Variants in ZFHX3 observed in about 807,000 individuals in gnomAD.
ZFHX3 encodes zinc finger homeobox 3.
In ZFHX3, 42 loss-of-function variants were observed where a neutral mutation model predicts 279.1. The ratio of observed to expected loss-of-function variants is 0.15; its 90% CI spans 0.12 to 0.19. ZFHX3 has a LOEUF of 0.19. ZFHX3 is among the 10% of genes least tolerant of loss of function. The pLI is 1.00. For synonymous variants in ZFHX3, 2,293 were observed against 1,957.8 expected (o/e 1.17, Z -4.52); for missense variants, 4,981 against 4,754.0 (o/e 1.05, Z -1.40).
intron 4 of ZFHX3, among the ~76,000 whole-genome samples, chr16:73,279,271 T>C (rs2014396749): frequency 6.6e-6 from 1 of 152,166 alleles, no homozygotes; most frequent in Non-Finnish European, 1.5e-5. Context: ...AGATTTTTGT[T>C]ATCAAACATC....
rs1959581399 is a variant in ZFHX3 at position 72,928,184 on chromosome 16, AGGG to A, written c.3216+22282_3216+22284del. 2.9e-3 allele frequency among the ~76,000 whole-genome samples: 23 copies of A among 7,990 alleles called. 2 individuals are homozygous for A. The highest frequency in any genetic ancestry group is 8.2e-3 in the African/African-American group (17 of 2,062). 5.2% of individuals were successfully genotyped at this position (7,990 alleles called of 152,430 possible). A position where few individuals can be genotyped will look rare whatever the true frequency, so the allele number is the denominator to read the frequency against. ...GGAGAGAGGGAGGGGGAGGGGAGAG[AGGG>A]AGGGGGAGGGGAGCGAGGGGGAGCG... On this transcript the variant is annotated intron_variant, in intron 3 of 9. Transcript: ENST00000268489.
chr16:73,014,917 C>T (rs1171074017), intron 1 of ZFHX3: 1 of 152,090 alleles, frequency 6.6e-6, no homozygotes, highest in Non-Finnish European at 1.5e-5. Context: ...CTGAAGGGTT[C>T]ACCCTACCAA....
intron 4 of ZFHX3, among the ~76,000 whole-genome samples, chr16:73,274,567 G>A (rs1392289886): frequency 2.0e-5 from 3 of 152,166 alleles, no homozygotes; most frequent in Admixed American, 6.5e-5. Flanking sequence ...TTAGCCAGGT[G>A]TTCCACACTA....
chr16:73,707,688 T>A (rs1432156497), intron 1 of ZFHX3, among the ~76,000 whole-genome samples: 2 of 151,440 alleles, frequency 1.3e-5, no homozygotes, highest in Admixed American at 1.3e-4. Context: ...CATGTGTACA[T>A]ATGTGACAAA....
intron 3 of ZFHX3, among the ~76,000 whole-genome samples, chr16:72,907,486 CCA>C (rs1392675102): frequency 1.3e-5 from 2 of 151,482 alleles, no homozygotes; most frequent in Non-Finnish European, 2.9e-5. Flanking sequence ...CTCCCCTGTA[CCA>C]CCCCTGTCTC....
chr16:73,735,901 T>TGTTTGTTTGTTTGTTTGTTTG (rs375304884), intron 1 of ZFHX3, among the ~76,000 whole-genome samples: 2 of 145,952 alleles, frequency 1.4e-5, no homozygotes, highest in South Asian at 2.1e-4. Flanking sequence ...GTTTTTTTTT[T>TGTTTGTTTGTTTGTTTGTTTG]TTTTTTTTTT....
intron 3 of ZFHX3, among the ~76,000 whole-genome samples, chr16:73,396,047 T>C (rs11643243): frequency 0.64 from 97,006 of 152,114 alleles, 31,646 homozygotes; most frequent in Non-Finnish European, 0.72. Context: ...CTGGAATAAA[T>C]AGGCCAGGGC....
chr16:72,912,070 C>T (rs955636420), intron 3 of ZFHX3, among the ~76,000 whole-genome samples: 7 of 152,216 alleles, frequency 4.6e-5, no homozygotes, highest in Non-Finnish European at 7.4e-5. Context: ...GGATAAAAGG[C>T]GAGGCAGGAA....
At chr16:73,841,146 C>T (rs1348878383) in intron 1 of ZFHX3, among the ~76,000 whole-genome samples, 2 of 152,198 alleles carry the variant, frequency 1.3e-5, no homozygotes, top group Non-Finnish European at 2.9e-5. Flanking sequence ...AAGACTCTAG[C>T]AGAGATTCAC....
intron 2 of ZFHX3, among the ~76,000 whole-genome samples, chr16:73,575,869 G>A (rs1567523058): frequency 6.6e-6 from 1 of 152,104 alleles, no homozygotes; most frequent in South Asian, 2.1e-4. Context: ...TCTAAGCCCT[G>A]ACCAGTTCAC....
chr16:73,790,736 C>A (rs1253033857), intron 1 of ZFHX3, among the ~76,000 whole-genome samples: 1 of 152,178 alleles, frequency 6.6e-6, no homozygotes, highest in African/African-American at 2.4e-5. Flanking sequence ...GCATCCTAAC[C>A]ATCATTAGAT....
chr16:73,418,926 G>C (rs898938823), intron 3 of ZFHX3, among the ~76,000 whole-genome samples: 2 of 152,200 alleles, frequency 1.3e-5, no homozygotes, highest in African/African-American at 4.8e-5. Flanking sequence ...GGATGTGGTA[G>C]AGAAAGCCAC....
chr16:73,017,650 G>C (rs1185790154), intron 1 of ZFHX3, among the ~76,000 whole-genome samples: 1 of 151,984 alleles, frequency 6.6e-6, no homozygotes, highest in East Asian at 1.9e-4. Flanking sequence ...CAGGGAGCTA[G>C]ACCACATAGT....
intron 4 of ZFHX3, among the ~76,000 whole-genome samples, chr16:73,317,386 C>T (rs535027988): frequency 8.5e-5 from 13 of 152,266 alleles, no homozygotes; most frequent in African/African-American, 2.9e-4. Flanking sequence ...AGAGTCACAG[C>T]CATCGCTGGG....
At chr16:73,367,138 G>C (rs1488908197) in intron 3 of ZFHX3, among the ~76,000 whole-genome samples, 2 of 152,074 alleles carry the variant, frequency 1.3e-5, no homozygotes, top group Non-Finnish European at 2.9e-5. Context: ...AGGAGTGAAG[G>C]AATCTCTTAC....
intron 5 of ZFHX3, among the ~76,000 whole-genome samples, chr16:73,219,148 T>C (rs939948830): frequency 3.9e-5 from 6 of 152,252 alleles, no homozygotes; most frequent in Non-Finnish European, 7.3e-5. Context: ...AGCTGAATAA[T>C]ATTCCACTGT....
At chr16:73,457,719 G>A (rs1347251327) in intron 2 of ZFHX3, among the ~76,000 whole-genome samples, 2 of 152,208 alleles carry the variant, frequency 1.3e-5, no homozygotes, top group Non-Finnish European at 2.9e-5. Flanking sequence ...AGGTTGCAGC[G>A]AGCCGAGATT....
At position 73,012,311 on chromosome 16, in the gene ZFHX3, G is replaced by A. The variant is rs114940973; in HGVS notation, c.-50+35441C>T. 5.6e-3 allele frequency among the ~76,000 whole-genome samples: 849 copies of A among 152,320 alleles called. 5 individuals carry two copies. The highest frequency in any genetic ancestry group is 0.02 in the African/African-American group (826 of 41,568). On this transcript the variant is annotated intron_variant, in intron 1 of 9. Transcript: ENST00000268489. ...TGCATAGGATGGAGCCATGTTTCTA[G>A]AACCATCAGAGACAAATTTTCTACT...
intron 4 of ZFHX3, among the ~76,000 whole-genome samples, chr16:73,266,716 C>T (rs1422999422): frequency 6.6e-6 from 1 of 152,204 alleles, no homozygotes; most frequent in East Asian, 1.9e-4. Flanking sequence ...TGGAGCTTTT[C>T]TGTGCTGTTC....
Sources: allele counts gnomAD v4.1 joint callset (sites outside exome capture counted in the v4.1 genomes callset), GRCh38; gene constraint gnomAD v4.1.1; transcripts MANE v1.5; gene names NCBI Gene and HGNC (gene_info 2026-07-23, HGNC 2026-07-21).